The following CERS6 variants were observed in gnomAD, a reference collection of about 807,000 sequenced individuals.
The protein encoded by CERS6 is ceramide synthase 6.
In CERS6, 26 loss-of-function variants were observed where a neutral mutation model predicts 56.8. That is an observed-to-expected ratio of 0.46 (90% CI 0.34 to 0.63). CERS6 has a LOEUF of 0.63. CERS6 is among the 30% of genes least tolerant of loss of function. The pLI, the probability that CERS6 is intolerant of heterozygous loss-of-function variation, is 0.01. For synonymous variants in CERS6, 164 were observed against 173.3 expected (o/e 0.95, Z 0.42); for missense variants, 415 against 467.5 (o/e 0.89, Z 1.04).
At chr2:168,459,116 A>C (rs918679706) in intron 1 of CERS6, among the ~76,000 whole-genome samples, 7 of 152,254 alleles carry the variant, frequency 4.6e-5, no homozygotes, top group African/African-American at 1.2e-4. Flanking sequence ...TGCTTTTGTA[A>C]TAGGAATAAT....
At chr2:168,555,237 A>G (rs1205800007) in intron 2 of CERS6, among the ~76,000 whole-genome samples, 1 of 152,072 alleles carries the variant, frequency 6.6e-6, no homozygotes, top group Non-Finnish European at 1.5e-5. Context: ...AAAAATCAGA[A>G]AACAAAACCT....
chr2:168,595,492 A>G (rs1335988370), intron 3 of CERS6, among the ~76,000 whole-genome samples: 1 of 152,222 alleles, frequency 6.6e-6, no homozygotes, highest in Non-Finnish European at 1.5e-5. Context: ...AATTGCATTC[A>G]TTCCTTTATC....
intron 6 of CERS6, among the ~76,000 whole-genome samples, chr2:168,708,915 T>G (rs1011709926): frequency 1.3e-5 from 2 of 152,104 alleles, no homozygotes; most frequent in Admixed American, 6.6e-5. Flanking sequence ...TATGTATGTG[T>G]ATGTATTATT....
intron 9 of CERS6, 150 bp from the exon 10 acceptor site, chr2:168,769,360 G>T: frequency 3.0e-6 from 2 of 656,948 alleles, no homozygotes; most frequent in Non-Finnish European, 4.9e-6. Flanking sequence ...CAATGAAGGG[G>T]AACTTATTGC....
In CERS6 at chr2:168,730,615, C is replaced by T. The variant is rs570053307; in HGVS notation, c.845+12637C>T. Among the ~76,000 whole-genome samples the T allele has an allele frequency of 1.6e-3, 241 of 151,928 alleles. 1 individual carries two copies. In the Middle Eastern group the frequency reaches 0.017, roughly 11 times the overall value. On this transcript the variant is annotated intron_variant, in intron 8 of 9. Coordinates refer to ENST00000305747, the MANE Select transcript of CERS6 (RefSeq NM_203463.3). ...GCCACCCTGTGGATTTCTCATCAGG[C>T]TTACTGTGTTGTCAATTAGGTGCCC...
intron 8 of CERS6, among the ~76,000 whole-genome samples, chr2:168,725,101 G>T (rs924123277): frequency 6.6e-6 from 1 of 152,246 alleles, no homozygotes; most frequent in Admixed American, 6.5e-5. Flanking sequence ...GGCTGGCACT[G>T]CTGGGAGACC....
chr2:168,478,038 A>G (rs1005758989), intron 1 of CERS6, among the ~76,000 whole-genome samples: 2 of 151,554 alleles, frequency 1.3e-5, no homozygotes, highest in Admixed American at 6.6e-5. Flanking sequence ...TGACTTCATG[A>G]TATTTTTCCC....
Position 168,507,897 on chromosome 2 carries a change from T to C in CERS6, c.171-39699T>C, listed in dbSNP as rs145095310. 1.2e-4 allele frequency among the ~76,000 whole-genome samples: 18 copies of C among 152,342 alleles called. No individual in the cohort carries two copies. In the South Asian group the frequency reaches 1.4e-3, roughly 12 times the overall value. The stretch of plus-strand genomic sequence containing the variant: ...AGTTTTTTTTCAGATTTATAACCAT[T>C]AGATATTTCAAGTTGCTAACTGTGC... On this transcript the variant is annotated intron_variant, in intron 1 of 9. Coordinates refer to ENST00000305747, the MANE Select transcript of CERS6 (RefSeq NM_203463.3).
At chr2:168,585,268 C>T (rs144559803) in intron 3 of CERS6, among the ~76,000 whole-genome samples, 1 of 152,354 alleles carries the variant, frequency 6.6e-6, no homozygotes, top group African/African-American at 2.4e-5. Flanking sequence ...GGTCACCCTC[C>T]TTCCTTCACT....
rs560401649 is a variant in CERS6 at position 168,535,456 on chromosome 2, C to T, written c.171-12140C>T. Among the ~76,000 whole-genome samples, 235 of 152,170 alleles carry T rather than the reference C, an allele frequency of 1.5e-3. 1 individual carries two copies. The highest frequency in any genetic ancestry group is 3.4e-3 in the Middle Eastern group (1 of 294). On this transcript the variant is annotated intron_variant, in intron 1 of 9. Coordinates refer to ENST00000305747, the MANE Select transcript of CERS6 (RefSeq NM_203463.3). ...CCCTTGGTTGGGGGGAGAGGGTTCT[C>T]CTGGCTCTCAGGTGGGCCGCCATAC...
At chr2:168,545,767 GC>G (rs147752626) in intron 1 of CERS6, among the ~76,000 whole-genome samples, 244 of 152,322 alleles carry the variant, frequency 1.6e-3, no homozygotes, top group African/African-American at 5.7e-3. Flanking sequence ...GAAATGATCA[GC>G]TTCTGCATTG....
rs1684886886 is a variant in CERS6, at chr2:168,772,396, A to G, written c.*2734A>G. On this transcript the variant is annotated 3_prime_UTR_variant, in exon 10 of 10. Transcript: ENST00000305747. ...TTGGCCTCAGGTCAATAAATGATAT[A>G]AAAACATGTGTTCTATTTATGTATA... The G allele has an allele frequency of 2.6e-5, 4 of 152,636 alleles. No individual in the cohort carries two copies. Among genetic ancestry groups the G allele is most frequent in the Admixed American group, 1.3e-4 (2 of 15,278 alleles). 9.5% of individuals were successfully genotyped at this position (152,636 alleles called of 1,614,324 possible).
At chr2:168,463,639 G>A (rs1693817428) in intron 1 of CERS6, among the ~76,000 whole-genome samples, 1 of 152,174 alleles carries the variant, frequency 6.6e-6, no homozygotes, top group Non-Finnish European at 1.5e-5. Flanking sequence ...TGAGCACAGT[G>A]GCTCATGCCT....
At position 168,574,412 on chromosome 2, in the gene CERS6, GTGTC is replaced by G. The variant is rs941362813; in HGVS notation, c.407+13091_407+13094del. Among the ~76,000 whole-genome samples, 44 of 148,178 alleles carry G rather than the reference GTGTC, an allele frequency of 3.0e-4. No homozygotes were observed. The East Asian group carries it at 7.1e-3, about 24-fold the overall frequency. Reference sequence around the variant, plus strand: ...TGTGTGTGTGTGTGTGTGTGTGTGTGTGTCAAGCATTTACTATCTGCTGGGTTCT... The same window carrying G: ...TGTGTGTGTGTGTGTGTGTGTGTGTGAAGCATTTACTATCTGCTGGGTTCT... On this transcript the variant is annotated intron_variant, in intron 3 of 9. Coordinates refer to ENST00000305747, the MANE Select transcript of CERS6 (RefSeq NM_203463.3).
chr2:168,570,878 T>C (rs985306939), intron 3 of CERS6, among the ~76,000 whole-genome samples: 1 of 152,184 alleles, frequency 6.6e-6, no homozygotes, highest in Non-Finnish European at 1.5e-5. Context: ...CAGTGCTTGG[T>C]TCCCTTTCAA....
chr2:168,704,726 C>T (rs1686893940), intron 6 of CERS6, among the ~76,000 whole-genome samples: 1 of 152,206 alleles, frequency 6.6e-6, no homozygotes, highest in African/African-American at 2.4e-5. Context: ...CCTGCCTCAG[C>T]CTCCCAAGTA....
At chr2:168,650,571 T>C (rs1337631424) in intron 4 of CERS6, among the ~76,000 whole-genome samples, 3 of 152,212 alleles carry the variant, frequency 2.0e-5, no homozygotes, top group African/African-American at 7.2e-5. Context: ...TAGAGAGATC[T>C]TCGTGCAACT....
At chr2:168,622,235 C>A in intron 3 of CERS6, among the ~76,000 whole-genome samples, 1 of 152,082 alleles carries the variant, frequency 6.6e-6, no homozygotes, top group Non-Finnish European at 1.5e-5. Flanking sequence ...ATAAAATACA[C>A]TAACACTAAG....
Position 168,772,917 on chromosome 2 carries a change from A to C in CERS6, c.*3255A>C, listed in dbSNP as rs1408058857. 1 of 152,602 alleles carries C rather than the reference A, an allele frequency of 6.6e-6. No individual in the cohort carries two copies. The highest frequency in any genetic ancestry group is 1.5e-5 in the Non-Finnish European group (1 of 68,038). The allele number at this position is 152,602 out of a possible 1,614,324, so 9.5% of individuals were successfully genotyped here. A position where few individuals can be genotyped will look rare whatever the true frequency, so the allele number is the denominator to read the frequency against. On this transcript the variant is annotated 3_prime_UTR_variant, in exon 10 of 10. Transcript: ENST00000305747. ...TCACCTTTGATCAAAATGGTTGGTG[A>C]ACCTCCACATGTCCAGTTCTGTTGC... is the stretch of plus-strand genomic sequence containing the variant.
Sources: allele counts gnomAD v4.1 joint callset (sites outside exome capture counted in the v4.1 genomes callset), GRCh38; gene constraint gnomAD v4.1.1; transcripts MANE v1.5; gene names NCBI Gene and HGNC (gene_info 2026-07-23, HGNC 2026-07-21).